MEGF8: variants seen among roughly 807,000 people sequenced by gnomAD.
MEGF8 encodes the protein multiple EGF like domains 8.
Under a neutral mutation model 302.9 loss-of-function variants are expected in MEGF8, and 156 were observed. The observed-to-expected ratio is 0.52, with a 90% CI of 0.45 to 0.59. The LOEUF is 0.59. Among genes scored for constraint, MEGF8 ranks in the 20% least tolerant of loss-of-function variants. The probability of loss-of-function intolerance (pLI) is 0.00; values close to 1 mark genes in which losing one functional copy is unlikely to be tolerated. For synonymous variants in MEGF8, 1,621 were observed against 1,660.5 expected (o/e 0.98, Z 0.58); for missense variants, 3,345 against 3,964.5 (o/e 0.84, Z 4.20).
rs2039132317 is a variant in MEGF8 at position 42,336,661 on chromosome 19, GCCC to G, written c.1245-145_1245-143del. On this transcript the variant is annotated intron_variant, in intron 6 of 41. Transcript: ENST00000251268. This position sits in a 1 kb window ranked among gnomAD's most constrained non-coding sequence, Gnocchi z 4.8. ...TAACTCAGAGATGACTCAGGGTCCT[GCCC>G]ACAGGGAACTTCTAGTTTGGAGGGG... 8.0e-7 allele frequency: 1 copy of G among 1,245,718 alleles called. No homozygotes were observed. Among genetic ancestry groups the G allele is most frequent in the Non-Finnish European group, 1.1e-6 (1 of 916,200 alleles). 77.2% of individuals were successfully genotyped at this position (1,245,718 alleles called of 1,614,324 possible).
intron 41 of MEGF8, among the ~76,000 whole-genome samples, chr19:42,372,688 T>C (rs1352049784): frequency 6.6e-6 from 1 of 152,192 alleles, no homozygotes; most frequent in Non-Finnish European, 1.5e-5. Flanking sequence ...TTAATTTTTT[T>C]TGGACACAGA....
At chr19:42,327,888 A>C (rs1252422006) in intron 1 of MEGF8, among the ~76,000 whole-genome samples, 2 of 152,158 alleles carry the variant, frequency 1.3e-5, no homozygotes, top group Admixed American at 1.3e-4. Context: ...TGAAGTCAGG[A>C]GTTTGAGACC....
At chr19:42,359,071 T>TCCCCCCCCCCCCCCCC in intron 30 of MEGF8, 27 bp from the exon 31 acceptor site, 1 of 1,504,404 alleles carries the variant, frequency 6.6e-7, no homozygotes, top group Non-Finnish European at 8.9e-7. Context: ...GGCTGTCCTG[T>TCCCCCCCCCCCCCCCC]CCCCCCACCC....
Position 42,375,554 on chromosome 19 carries a change from G to T in MEGF8, c.7317G>T (p.Gln2439His). The T allele has an allele frequency of 6.3e-7, 1 of 1,594,606 alleles. No homozygotes were observed. Reference sequence around the variant, plus strand: ...TTCACGGGAGTCCGCTGGGCGGCCAGCAGTGCTACCGCCTCATCTCGGTGG... The same window carrying T: ...TTCACGGGAGTCCGCTGGGCGGCCATCAGTGCTACCGCCTCATCTCGGTGG... ...ESFHGSPLGG[Q>H]QCYRLISVEQ... The change falls in exon 42 of 42, where the codon CAG (glutamine) becomes CAT (histidine). Residue 2439 changes from glutamine to histidine, a missense_variant. Physicochemically the swap from Gln to His is conservative, Grantham distance 24. Coordinates refer to ENST00000251268, the MANE Select transcript of MEGF8 (RefSeq NM_001271938.2). The surrounding 1 kb of genome is among the most constrained non-coding windows in gnomAD (Gnocchi z 7.1).
At chr19:42,343,845 G>A in intron 9 of MEGF8, 109 bp from the exon 10 acceptor site, 1 of 1,456,702 alleles carries the variant, frequency 6.9e-7, no homozygotes, top group East Asian at 2.5e-5. Context: ...AGCACTCAGG[G>A]TCCTCTGGGA....
chr19:42,349,302 G>GAA (rs1268884391), intron 13 of MEGF8, among the ~76,000 whole-genome samples, 197 bp from the exon 14 acceptor site: 5 of 57,020 alleles, frequency 8.8e-5, no homozygotes, highest in Non-Finnish European at 1.6e-4. Flanking sequence ...CCTGTCTCAA[G>GAA]AAAAAAAAAA....
Position 42,335,132 on chromosome 19 carries a change from G to A in MEGF8, c.656G>A (p.Ser219Asn). ...NQGAGWWHNV[S>N]ARDPAFSARI... Reference sequence around the variant, plus strand: ...GGGGCTGGGTGGTGGCACAACGTGAGTGCCAGGGACCCTGCCTTCTCTGCC... The same window carrying A: ...GGGGCTGGGTGGTGGCACAACGTGAATGCCAGGGACCCTGCCTTCTCTGCC... Residue 219 changes from serine to asparagine, a missense_variant, in exon 4 of 42, where the codon AGT becomes AAT. By Grantham distance (46) the Ser-to-Asn change is conservative. Transcript: ENST00000251268. 1 of 1,613,976 alleles carries A rather than the reference G, an allele frequency of 6.2e-7. No homozygotes were observed. The highest frequency in any genetic ancestry group is 8.5e-7 in the Non-Finnish European group (1 of 1,179,862).
At position 42,376,187 on chromosome 19, in the gene MEGF8, C is replaced by T; in HGVS notation, c.7950C>T (p.Val2650=). The T allele has an allele frequency of 6.2e-7, 1 of 1,609,398 alleles. No individual in the cohort carries two copies. The highest frequency in any genetic ancestry group is 1.3e-5 in the African/African-American group (1 of 74,894). ...ACCAGGCCCACATTGACCTGTTTGT[C>T]TTCTTCTCCGTCTTCTTCTCCTGCT... ...RQDQAHIDLF[V]FFSVFFSCFF... is the part of the protein sequence containing the mutation. Residue 2650 remains valine, a synonymous_variant, in exon 42 of 42, where the codon GTC becomes GTT. Transcript: ENST00000251268. This position sits in a 1 kb window ranked among gnomAD's most constrained non-coding sequence, Gnocchi z 8.2.
In MEGF8 at chr19:42,356,379, G is replaced by A. The variant is rs151186249; in HGVS notation, c.4548G>A (p.Val1516=). The change falls in exon 26 of 42, where the codon GTG becomes GTA. Residue 1516 remains valine, a synonymous_variant. Coordinates refer to ENST00000251268, the MANE Select transcript of MEGF8 (RefSeq NM_001271938.2). The surrounding 1 kb of genome is among the most constrained non-coding windows in gnomAD (Gnocchi z 5.2). The part of the protein sequence containing the change: ...RFLHRLGHTM[V]DGPDATLWMF... Reference sequence around the variant, plus strand: ...TGCACCGCCTGGGCCACACCATGGTGGATGGACCCGATGCCACCTTGTGGA... The same window carrying A: ...TGCACCGCCTGGGCCACACCATGGTAGATGGACCCGATGCCACCTTGTGGA... The A allele has an allele frequency of 3.1e-6, 5 of 1,613,158 alleles. No homozygotes were observed. The highest frequency in any genetic ancestry group is 3.4e-6 in the Non-Finnish European group (4 of 1,179,642).
rs572919780 is a variant in MEGF8 at position 42,358,020 on chromosome 19, G to C, written c.5012-124G>C. On this transcript the variant is annotated intron_variant, in intron 28 of 41. Coordinates refer to ENST00000251268, the MANE Select transcript of MEGF8 (RefSeq NM_001271938.2). The surrounding 1 kb of genome is among the most constrained non-coding windows in gnomAD (Gnocchi z 4.4). ...CAACTGAGAGGGACGGGTGGAGAGG[G>C]GCTCCCAGGCCTCCAGTCTCAGGGC... is the stretch of plus-strand genomic sequence containing the variant. The C allele has an allele frequency of 1.1e-6, 1 of 940,450 alleles. No homozygotes were observed. The highest frequency in any genetic ancestry group is 1.5e-6 in the Non-Finnish European group (1 of 665,032). 58.3% of individuals were successfully genotyped at this position (940,450 alleles called of 1,614,324 possible). A position where few individuals can be genotyped will look rare whatever the true frequency, so the allele number is the denominator to read the frequency against.
At chr19:42,371,150 T>C (rs907287342) in intron 40 of MEGF8, among the ~76,000 whole-genome samples, 200 bp from the exon 41 acceptor site, 3 of 152,050 alleles carry the variant, frequency 2.0e-5, no homozygotes, top group Non-Finnish European at 4.4e-5. Flanking sequence ...GAGTGTTCAG[T>C]GAGTGCTGGA....
chr19:42,353,767 C>G lies in MEGF8; in HGVS notation c.3762-8C>G, dbSNP rs369587271. ...TGGTCTGACACTGGCTCTTCTCCAT[C>G]TCCCCAGGGCCGGTGGTTCCTGCTT... On this transcript the variant is annotated splice_polypyrimidine_tract_variant and splice_region_variant and intron_variant, in intron 21 of 41. Coordinates refer to ENST00000251268, the MANE Select transcript of MEGF8 (RefSeq NM_001271938.2). The surrounding 1 kb of genome is among the most constrained non-coding windows in gnomAD (Gnocchi z 6.1). 9 of 1,586,828 alleles carry G rather than the reference C, an allele frequency of 5.7e-6. No individual in the cohort carries two copies. The highest frequency in any genetic ancestry group is 7.7e-6 in the Non-Finnish European group (9 of 1,162,418).
At chr19:42,340,311 T>C (rs1361117347) in intron 8 of MEGF8, among the ~76,000 whole-genome samples, 1 of 152,062 alleles carries the variant, frequency 6.6e-6, no homozygotes, top group Non-Finnish European at 1.5e-5. Context: ...CTCACTCCAA[T>C]CTCTGCCTCC....
Position 42,376,656 on chromosome 19 carries a change from C to A in MEGF8, c.8419C>A (p.Arg2807=), listed in dbSNP as rs755424542. 3 of 1,536,790 alleles carry A rather than the reference C, an allele frequency of 2.0e-6. No homozygotes were observed. The Admixed American group carries it at 5.9e-5, about 30-fold the overall frequency. The change falls in exon 42 of 42, where the codon CGG becomes AGG. Residue 2807 remains arginine, a synonymous_variant. Coordinates refer to ENST00000251268, the MANE Select transcript of MEGF8 (RefSeq NM_001271938.2). The surrounding 1 kb of genome is among the most constrained non-coding windows in gnomAD (Gnocchi z 8.2). ...CCTGGGGTCAGCCCTCGTCACACTG[C>A]GGCACAGGCTGCACGAGTACTGTGG... The part of the protein sequence containing the change: ...ACLGSALVTL[R]HRLHEYCGGG...
At chr19:42,343,153 C>T (rs2039238568) in intron 8 of MEGF8, among the ~76,000 whole-genome samples, 1 of 152,192 alleles carries the variant, frequency 6.6e-6, no homozygotes, top group South Asian at 2.1e-4. Context: ...GAGGAGGAAA[C>T]CAAGACTCAG....
At position 42,358,831 on chromosome 19, in the gene MEGF8, C is replaced by T; in HGVS notation, c.5220C>T (p.Gly1740=). 3.8e-6 allele frequency: 6 copies of T among 1,598,508 alleles called. No individual in the cohort carries two copies. Among genetic ancestry groups the T allele is most frequent in the Non-Finnish European group, 5.1e-6 (6 of 1,173,282 alleles). The change falls in exon 30 of 42, where the codon GGC becomes GGT. Residue 1740 remains glycine, a synonymous_variant. Transcript: ENST00000251268. This position sits in a 1 kb window ranked among gnomAD's most constrained non-coding sequence, Gnocchi z 4.4. ...RNVRGSSRGL[G]QVPGEQPGSW... ...TGCGTGGCTCATCTCGGGGTCTGGG[C>T]CAAGTTCCTGGGGAGCAGCCTGGGT...
rs780065402 is a variant in MEGF8, at chr19:42,351,131, G to A, written c.2737-85G>A. The stretch of plus-strand genomic sequence containing the variant: ...TGGCCTTACAGGGACAGTCTGCAGG[G>A]TGGGGCAGGGGGTGGGATGGGCACT... On this transcript the variant is annotated intron_variant, in intron 15 of 41. Coordinates refer to ENST00000251268, the MANE Select transcript of MEGF8 (RefSeq NM_001271938.2). The surrounding 1 kb of genome is among the most constrained non-coding windows in gnomAD (Gnocchi z 5.6). The A allele has an allele frequency of 3.0e-5, 36 of 1,184,918 alleles. No individual in the cohort carries two copies. The Middle Eastern group carries it at 9.5e-4, about 31-fold the overall frequency. The allele number at this position is 1,184,918 out of a possible 1,614,324, so 73.4% of individuals were successfully genotyped here. A position where few individuals can be genotyped will look rare whatever the true frequency, so the allele number is the denominator to read the frequency against.
chr19:42,375,514 A>C lies in MEGF8; in HGVS notation c.7277A>C (p.Lys2426Thr). ...CTCTAACCCTGCCCGCAGTGCGCCAAGTGCCGGGAATCATTTCACGGGAGT... is the reference window on the plus strand; with the variant it reads ...CTCTAACCCTGCCCGCAGTGCGCCACGTGCCGGGAATCATTTCACGGGAGT... ...RRDCYKYQCAKCRESFHGSPL... is the reference protein window; with the variant it reads ...RRDCYKYQCATCRESFHGSPL... The change falls in exon 42 of 42, where the codon AAG becomes ACG. Residue 2426 changes from lysine (K) to threonine (T), a missense_variant. Coordinates refer to ENST00000251268, the MANE Select transcript of MEGF8 (RefSeq NM_001271938.2). This position sits in a 1 kb window ranked among gnomAD's most constrained non-coding sequence, Gnocchi z 7.1. 5.1e-6 allele frequency: 8 copies of C among 1,581,852 alleles called. No homozygotes were observed. Among genetic ancestry groups the C allele is most frequent in the Non-Finnish European group, 6.0e-6 (7 of 1,165,022 alleles).
rs937613838 is a variant in MEGF8 at position 42,360,760 on chromosome 19, A to G, written c.5489-15A>G. 1 of 1,561,422 alleles carries G rather than the reference A, an allele frequency of 6.4e-7. No individual in the cohort carries two copies. Among genetic ancestry groups the G allele is most frequent in the Non-Finnish European group, 8.7e-7 (1 of 1,153,128 alleles). ...TCCTGCTCTCTATCTGTCTGAATAC[A>G]CCATCTTTCCTCAGGCTCGGCCTCT... is the stretch of plus-strand genomic sequence containing the variant. On this transcript the variant is annotated splice_polypyrimidine_tract_variant and intron_variant, in intron 31 of 41. Transcript: ENST00000251268.
Sources: allele counts gnomAD v4.1 joint callset (sites outside exome capture counted in the v4.1 genomes callset), GRCh38; gene constraint gnomAD v4.1.1; non-coding constraint Gnocchi (gnomAD v3.1); transcripts MANE v1.5; gene names NCBI Gene and HGNC (gene_info 2026-07-23, HGNC 2026-07-21).